The following C1orf141 variants were observed in gnomAD, a reference collection of about 807,000 sequenced individuals.
C1orf141 encodes the protein chromosome 1 open reading frame 141.
C1orf141 carries 19 observed loss-of-function variants against 23.2 expected under a neutral mutation model. The observed-to-expected ratio is 0.82, with a 90% CI of 0.57 to 1.20. The LOEUF (loss-of-function observed/expected upper bound fraction) is 1.20. Among genes scored for constraint, C1orf141 ranks in the 50% most tolerant of loss-of-function variants. C1orf141 has a pLI of 0.00. For synonymous variants in C1orf141, 153 were observed against 154.6 expected (o/e 0.99, Z 0.08); for missense variants, 469 against 455.1 (o/e 1.03, Z -0.28).
At chr1:67,122,709 T>C (rs1030743300) in intron 4 of C1orf141, 2 of 152,216 alleles carry the variant, frequency 1.3e-5, no homozygotes, top group African/African-American at 2.4e-5. Flanking sequence ...ATTACACCCA[T>C]GTGTCAAAGC....
At chr1:67,129,664 G>A (rs1160521392) in intron 2 of C1orf141, among the ~76,000 whole-genome samples, 1 of 152,156 alleles carries the variant, frequency 6.6e-6, no homozygotes, top group Non-Finnish European at 1.5e-5. Context: ...AAAACACTCA[G>A]GGCACAGAAC....
At chr1:67,093,652 G>T in intron 7 of C1orf141, 48 bp from the exon 8 acceptor site, 1 of 1,406,860 alleles carries the variant, frequency 7.1e-7, no homozygotes, top group Non-Finnish European at 9.5e-7. Flanking sequence ...ATTGAGTCAA[G>T]AAAGCTCCAT....
intron 5 of C1orf141, among the ~76,000 whole-genome samples, chr1:67,106,427 A>T (rs2863201): frequency 0.099 from 15,016 of 152,124 alleles, 1,165 homozygotes; most frequent in African/African-American, 0.21. Context: ...CGGGTGGATC[A>T]CTTGAGGCCA....
intron 5 of C1orf141, among the ~76,000 whole-genome samples, chr1:67,097,512 A>C (rs191952672): frequency 1.3e-5 from 2 of 152,322 alleles, no homozygotes; most frequent in Non-Finnish European, 2.9e-5. Flanking sequence ...GTGAATTAGG[A>C]GGAGAGTGGA....
intron 2 of C1orf141, among the ~76,000 whole-genome samples, chr1:67,128,803 G>A (rs1048296558): frequency 3.9e-5 from 6 of 152,138 alleles, no homozygotes; most frequent in South Asian, 2.1e-4. Context: ...AAGTGATATC[G>A]TTCACAGAAA....
chr1:67,109,326 CAAAAAAAAAAAAAAA>C (rs58157985), intron 5 of C1orf141, among the ~76,000 whole-genome samples: 3 of 83,422 alleles, frequency 3.6e-5, no homozygotes, highest in Non-Finnish European at 4.4e-5. Flanking sequence ...GACTCCGTCT[CAAAAAAAAAAAAAAA>C]AAAAAAAAAA....
intron 5 of C1orf141, among the ~76,000 whole-genome samples, chr1:67,112,997 T>C (rs1469144999): frequency 1.3e-5 from 2 of 152,184 alleles, no homozygotes; most frequent in Non-Finnish European, 2.9e-5. Flanking sequence ...TTATTTATTT[T>C]GAGATAGAGT....
intron 2 of C1orf141, among the ~76,000 whole-genome samples, chr1:67,130,089 G>A (rs905059558): frequency 6.6e-6 from 1 of 152,188 alleles, no homozygotes; most frequent in Non-Finnish European, 1.5e-5. Context: ...GATTTTGAAA[G>A]AGAACATACA....
At position 67,093,522 on chromosome 1, in the gene C1orf141, G is replaced by A. The variant is rs1223900086; in HGVS notation, c.686C>T (p.Ser229Phe). The A allele has an allele frequency of 1.2e-6, 2 of 1,605,738 alleles. No homozygotes were observed. The highest frequency in any genetic ancestry group is 2.2e-5 in the South Asian group (2 of 89,926). Residue 229 changes from serine (S) to phenylalanine (F), a missense_variant, in exon 8 of 8, where the codon TCT (serine) becomes TTT (phenylalanine). Coordinates refer to ENST00000684719, the MANE Select transcript of C1orf141 (RefSeq NM_001276351.2). The stretch of plus-strand genomic sequence containing the variant: ...AATGTTTTCATTTTCCAAAGGATGA[G>A]AAGAAAATCTATTTTTTGTCAAAAG... ...MLLLTKNRFS[S>F]HPLENENIYP...
intron 5 of C1orf141, 116 bp downstream of exon 5, chr1:67,115,236 G>A (rs183860936): frequency 3.6e-5 from 20 of 561,386 alleles, no homozygotes; most frequent in African/African-American, 3.2e-4. Flanking sequence ...TCATGGAAAT[G>A]CTTTTGACAG....
At chr1:67,120,547 C>T (rs548841591) in intron 4 of C1orf141, among the ~76,000 whole-genome samples, 5 of 152,092 alleles carry the variant, frequency 3.3e-5, no homozygotes, top group East Asian at 1.9e-4. Context: ...TTGGGAGGTG[C>T]AGCCTTTAAG....
intron 5 of C1orf141, among the ~76,000 whole-genome samples, chr1:67,102,076 A>G (rs1368750797): frequency 6.6e-6 from 1 of 152,140 alleles, no homozygotes; most frequent in African/African-American, 2.4e-5. Context: ...ATCCTGAGTA[A>G]TCTAAGCTGT....
intron 4 of C1orf141, among the ~76,000 whole-genome samples, chr1:67,121,052 T>C (rs1646289428): frequency 6.6e-6 from 1 of 152,174 alleles, no homozygotes; most frequent in East Asian, 1.9e-4. Flanking sequence ...AAATGATTGA[T>C]GACTAAGGGA....
Position 67,093,573 on chromosome 1 carries a change from T to A in C1orf141, c.635A>T (p.His212Leu), listed in dbSNP as rs758463008. The A allele has an allele frequency of 1.3e-6, 2 of 1,574,196 alleles. No individual in the cohort carries two copies. The highest frequency in any genetic ancestry group is 4.5e-5 in the East Asian group (2 of 44,336). The change falls in exon 8 of 8, where the codon CAT (histidine) becomes CTT (leucine). Residue 212 changes from histidine to leucine, a missense_variant. His to Leu is a moderately conservative substitution (Grantham distance 99, BLOSUM62 -3). Around this residue, in one of 3 missense-constraint regions of C1orf141, gnomAD observed 370 missense variants for 348.1 expected, o/e 1.06. Coordinates refer to ENST00000684719, the MANE Select transcript of C1orf141 (RefSeq NM_001276351.2). ...EQKDTNPIIF[H>L]DTEYVRMLLL... is the part of the protein sequence containing the mutation. ...TAACATTCGTACATATTCTGTGTCA[T>A]GGAAAATTATGGGATTTGTGTCCTT...
In C1orf141 at chr1:67,092,939, C is replaced by A; in HGVS notation, c.*66G>T. On this transcript the variant is annotated 3_prime_UTR_variant, in exon 8 of 8. Transcript: ENST00000684719. ...AACATTACTATTTGGATAAGAATTT[C>A]TTTTATAATTTTGGAACTTGGATAT... is the stretch of plus-strand genomic sequence containing the variant. 1 of 1,269,146 alleles carries A rather than the reference C, an allele frequency of 7.9e-7. No homozygotes were observed. The highest frequency in any genetic ancestry group is 1.1e-6 in the Non-Finnish European group (1 of 912,960). The allele number at this position is 1,269,146 out of a possible 1,614,324, so 78.6% of individuals were successfully genotyped here.
intron 4 of C1orf141, among the ~76,000 whole-genome samples, chr1:67,125,419 G>A (rs779442567): frequency 1.3e-5 from 2 of 152,028 alleles, no homozygotes; most frequent in Non-Finnish European, 2.9e-5. Flanking sequence ...TGAACTGGAC[G>A]AGGTGAGGTG....
upstream of C1orf141, among the ~76,000 whole-genome samples, chr1:67,135,906 C>CAAAAAAAAAAAAAAAAAAA (rs59519661): frequency 9.6e-5 from 6 of 62,586 alleles, no homozygotes; most frequent in African/African-American, 3.8e-4. Context: ...GGCAAAACTG[C>CAAAAAAAAAAAAAAAAAAA]AAAAAAAAAA....
At chr1:67,102,307 C>CGTGT (rs57508145) in intron 5 of C1orf141, among the ~76,000 whole-genome samples, 2,978 of 139,648 alleles carry the variant, frequency 0.021, 95 homozygotes, top group African/African-American at 0.066. Flanking sequence ...TCTTCTGCTC[C>CGTGT]GTGTGTGTGT....
intron 5 of C1orf141, among the ~76,000 whole-genome samples, chr1:67,108,824 A>G (rs181547058): frequency 6.6e-6 from 1 of 152,334 alleles, no homozygotes; most frequent in Admixed American, 6.5e-5. Flanking sequence ...TATACAAATG[A>G]AAAAATGCTC....
Sources: allele counts gnomAD v4.1 joint callset (sites outside exome capture counted in the v4.1 genomes callset), GRCh38; gene constraint gnomAD v4.1.1; regional missense constraint gnomAD v4.1.1; transcripts MANE v1.5; gene names NCBI Gene and HGNC (gene_info 2026-07-23, HGNC 2026-07-21).